The following PCDH9 variants were observed in gnomAD, a reference collection of about 807,000 sequenced individuals.
The protein encoded by PCDH9 is protocadherin-9.
PCDH9 carries 24 observed loss-of-function variants against 70.6 expected under a neutral mutation model. The ratio of observed to expected loss-of-function variants is 0.34; its 90% CI spans 0.25 to 0.48. The LOEUF (loss-of-function observed/expected upper bound fraction) is 0.48, where lower values mean the gene tolerates loss of function less well. Ranked by LOEUF, PCDH9 falls within the 20% of genes least tolerant of loss-of-function variation. The pLI is 0.99. For missense variants in PCDH9, 1,281 were observed against 1,503.6 expected (o/e 0.85, Z 2.45); for synonymous variants, 562 against 558.5 (o/e 1.01, Z -0.09).
At chr13:66,866,363 T>A (rs1430711771) in intron 3 of PCDH9, among the ~76,000 whole-genome samples, 1 of 151,960 alleles carries the variant, frequency 6.6e-6, no homozygotes, top group Non-Finnish European at 1.5e-5. Flanking sequence ...GCGCCTGTAG[T>A]CCCAGCTACT....
chr13:66,354,916 C>T (rs1310673974), intron 4 of PCDH9, among the ~76,000 whole-genome samples: 1 of 152,016 alleles, frequency 6.6e-6, no homozygotes, highest in African/African-American at 2.4e-5. Flanking sequence ...TTGTATTTTT[C>T]GAACCTTCAT....
At chr13:66,607,656 G>A (rs1327896168) in intron 4 of PCDH9, among the ~76,000 whole-genome samples, 3 of 151,994 alleles carry the variant, frequency 2.0e-5, no homozygotes, top group African/African-American at 7.2e-5. Context: ...CAATGAATTA[G>A]TCTCAAATGT....
At chr13:66,447,010 G>A (rs577680640) in intron 4 of PCDH9, among the ~76,000 whole-genome samples, 1 of 152,080 alleles carries the variant, frequency 6.6e-6, no homozygotes, top group Admixed American at 6.6e-5. Flanking sequence ...TTGTTCATAA[G>A]TTTAGGAGTG....
At chr13:66,351,535 ATGGGAAT>A (rs1175927463) in intron 4 of PCDH9, among the ~76,000 whole-genome samples, 9 of 152,212 alleles carry the variant, frequency 5.9e-5, no homozygotes, top group Admixed American at 5.9e-4. Context: ...ATAATGAAAA[ATGGGAAT>A]AGCCTTTTAA....
intron 2 of PCDH9, among the ~76,000 whole-genome samples, chr13:66,980,742 G>GTTTTTT (rs550869529): frequency 9.3e-6 from 1 of 107,384 alleles, no homozygotes; most frequent in Non-Finnish European, 1.8e-5. Context: ...TTTTTTTTTT[G>GTTTTTT]TTTTTTTTTT....
chr13:66,670,650 A>G (rs1383076009), intron 3 of PCDH9, among the ~76,000 whole-genome samples: 2 of 152,156 alleles, frequency 1.3e-5, no homozygotes, highest in African/African-American at 2.4e-5. Flanking sequence ...ATTGTAGAAC[A>G]CTAACTAAAA....
intron 3 of PCDH9, among the ~76,000 whole-genome samples, chr13:66,861,706 C>A (rs975948641): frequency 2.6e-5 from 4 of 152,246 alleles, no homozygotes; most frequent in Non-Finnish European, 4.4e-5. Context: ...ATACAACTCA[C>A]CCATTATTTT....
intron 4 of PCDH9, among the ~76,000 whole-genome samples, chr13:66,434,814 T>C (rs1428676889): frequency 1.3e-5 from 2 of 152,050 alleles, no homozygotes; most frequent in East Asian, 3.9e-4. Context: ...ATGCAGGCCA[T>C]AATGCTAAGG....
At chr13:66,815,085 T>C (rs1172097448) in intron 3 of PCDH9, among the ~76,000 whole-genome samples, 1 of 151,610 alleles carries the variant, frequency 6.6e-6, no homozygotes, top group African/African-American at 2.4e-5. Flanking sequence ...AAAACACAAA[T>C]AATCTCATTC....
At chr13:66,870,966 T>G (rs2081667547) in intron 3 of PCDH9, among the ~76,000 whole-genome samples, 1 of 152,060 alleles carries the variant, frequency 6.6e-6, no homozygotes, top group Non-Finnish European at 1.5e-5. Flanking sequence ...CTATTCACAA[T>G]AGCAAAGACT....
At chr13:66,625,704 A>C (rs2077489486) in intron 4 of PCDH9, among the ~76,000 whole-genome samples, 1 of 147,656 alleles carries the variant, frequency 6.8e-6, no homozygotes, top group African/African-American at 2.5e-5. Flanking sequence ...TCTGTCACCC[A>C]GGCTGTAGTG....
At chr13:67,122,462 T>C (rs1371322432) in intron 2 of PCDH9, among the ~76,000 whole-genome samples, 1 of 151,932 alleles carries the variant, frequency 6.6e-6, no homozygotes, top group East Asian at 1.9e-4. Flanking sequence ...TGAGGCTCAG[T>C]GTGAACTAAC....
At position 66,613,588 on chromosome 13, in the gene PCDH9, G is replaced by A. The variant is rs192828833; in HGVS notation, c.3340+17622C>T. ...TCTTGCTTTACACTCTGGGGCCATG[G>A]CCAGTAACCACTTGGCAAAGCTTTG... On this transcript the variant is annotated intron_variant, in intron 4 of 4. Coordinates refer to ENST00000377865, the MANE Select transcript of PCDH9 (RefSeq NM_203487.3). 2.6e-5 allele frequency among the ~76,000 whole-genome samples: 4 copies of A among 152,280 alleles called. 1 individual carries two copies. The highest frequency in any genetic ancestry group is 2.6e-4 in the Admixed American group (4 of 15,302).
At chr13:66,722,253 G>A (rs1307026305) in intron 3 of PCDH9, among the ~76,000 whole-genome samples, 1 of 152,082 alleles carries the variant, frequency 6.6e-6, no homozygotes, top group Non-Finnish European at 1.5e-5. Context: ...AAATTAGAAT[G>A]TCCTCTACAA....
intron 4 of PCDH9, among the ~76,000 whole-genome samples, chr13:66,356,013 T>A (rs1429542656): frequency 6.6e-6 from 1 of 152,040 alleles, no homozygotes; most frequent in Non-Finnish European, 1.5e-5. Flanking sequence ...CTAAAAAAAA[T>A]TATTAAATAA....
intron 4 of PCDH9, among the ~76,000 whole-genome samples, chr13:66,432,038 T>G (rs1957780182): frequency 6.6e-6 from 1 of 152,050 alleles, no homozygotes; most frequent in Non-Finnish European, 1.5e-5. Context: ...GTTGTGTTTT[T>G]CATGATTTGA....
chr13:66,347,365 T>G (rs1956227888), intron 4 of PCDH9, among the ~76,000 whole-genome samples: 1 of 152,212 alleles, frequency 6.6e-6, no homozygotes, highest in Admixed American at 6.5e-5. Flanking sequence ...TCATTCAGTG[T>G]ACTTAAAATG....
At chr13:66,926,495 C>T (rs920147807) in intron 2 of PCDH9, among the ~76,000 whole-genome samples, 34 of 152,020 alleles carry the variant, frequency 2.2e-4, no homozygotes, top group Non-Finnish European at 3.8e-4. Flanking sequence ...GTTTCTATTG[C>T]TATGTTAATT....
At chr13:66,340,092 T>A (rs1380988555) in intron 4 of PCDH9, among the ~76,000 whole-genome samples, 1 of 152,110 alleles carries the variant, frequency 6.6e-6, no homozygotes, top group African/African-American at 2.4e-5. Context: ...AATTAAAAAA[T>A]CCAGAGTAAT....
Sources: gnomAD v4.1 joint callset for allele counts (sites outside exome capture counted in the v4.1 genomes callset) on GRCh38, gnomAD v4.1.1 for gene constraint, MANE v1.5 for transcripts, NCBI Gene and HGNC (gene_info 2026-07-23, HGNC 2026-07-21) for gene names.